The following MAGI2 variants were observed in gnomAD, a reference collection of about 807,000 sequenced individuals.
The protein encoded by MAGI2 is membrane-associated guanylate kinase, WW and PDZ domain-containing protein 2.
A neutral mutation model predicts 133.3 loss-of-function variants in MAGI2; 35 were observed. The ratio of observed to expected loss-of-function variants is 0.26; its 90% CI spans 0.20 to 0.35. The LOEUF is 0.35. MAGI2 is among the 10% of genes least tolerant of loss of function. The pLI is 1.00. For synonymous variants in MAGI2, 729 were observed against 710.6 expected (o/e 1.03, Z -0.41); for missense variants, 1,636 against 1,863.4 (o/e 0.88, Z 2.25).
intron 10 of MAGI2, among the ~76,000 whole-genome samples, chr7:78,235,249 A>T (rs1171202267): frequency 6.6e-6 from 1 of 152,124 alleles, no homozygotes; most frequent in African/African-American, 2.4e-5. Context: ...TGAAATCCCA[A>T]ATTTTGCTAC....
At chr7:79,388,059 C>A (rs543810961) in intron 1 of MAGI2, among the ~76,000 whole-genome samples, 72 of 151,762 alleles carry the variant, frequency 4.7e-4, no homozygotes, top group African/African-American at 1.7e-3. Context: ...ACATAGAAAA[C>A]CTGCAATTTG....
chr7:78,839,305 A>G (rs1791922185), intron 2 of MAGI2, among the ~76,000 whole-genome samples: 1 of 152,150 alleles, frequency 6.6e-6, no homozygotes, highest in Admixed American at 6.6e-5. Context: ...TAGTGAAAAC[A>G]TGCTGGGTGG....
At chr7:78,794,510 T>C (rs1235725659) in intron 2 of MAGI2, among the ~76,000 whole-genome samples, 2 of 151,964 alleles carry the variant, frequency 1.3e-5, no homozygotes, top group African/African-American at 4.8e-5. Context: ...CTGTTTGCCA[T>C]AGGAAGATTT....
At chr7:78,332,584 G>C (rs992211521) in intron 9 of MAGI2, among the ~76,000 whole-genome samples, 2 of 151,864 alleles carry the variant, frequency 1.3e-5, no homozygotes, top group African/African-American at 4.8e-5. Context: ...TGTAGTCCCA[G>C]CTACTCAGGA....
At chr7:78,112,622 T>A (rs1232003233) in intron 20 of MAGI2, among the ~76,000 whole-genome samples, 1 of 152,214 alleles carries the variant, frequency 6.6e-6, no homozygotes, top group Admixed American at 6.5e-5. Context: ...AGCTAGTGAA[T>A]GTGCAGAGTT....
At chr7:79,176,094 C>T (rs1826068204) in intron 1 of MAGI2, among the ~76,000 whole-genome samples, 1 of 151,998 alleles carries the variant, frequency 6.6e-6, no homozygotes, top group Non-Finnish European at 1.5e-5. Flanking sequence ...ACAAAGCTTG[C>T]TAAGTAAATG....
chr7:79,092,450 AC>A (rs56972437), intron 1 of MAGI2, among the ~76,000 whole-genome samples: 6,427 of 152,246 alleles, frequency 0.042, 429 homozygotes, highest in African/African-American at 0.15. Flanking sequence ...GAAAGACCAA[AC>A]AAACCTATAG....
intron 1 of MAGI2, among the ~76,000 whole-genome samples, chr7:79,250,348 C>A (rs1175044450): frequency 9.1e-4 from 118 of 130,384 alleles, no homozygotes; most frequent in South Asian, 1.5e-3. Context: ...ATGACTCTAC[C>A]AAAAAAAAAA....
At chr7:78,733,320 T>C (rs563363775) in intron 2 of MAGI2, among the ~76,000 whole-genome samples, 1 of 152,270 alleles carries the variant, frequency 6.6e-6, no homozygotes, top group East Asian at 1.9e-4. Context: ...TTCCCAATAC[T>C]GTCTTGTCCT....
chr7:78,264,827 A>T (rs1793841856), intron 9 of MAGI2, among the ~76,000 whole-genome samples: 1 of 151,870 alleles, frequency 6.6e-6, no homozygotes, highest in East Asian at 1.9e-4. Context: ...AAGCTGTCCT[A>T]CTGAATTCAT....
At chr7:78,580,527 T>G (rs926813488) in intron 3 of MAGI2, among the ~76,000 whole-genome samples, 1 of 152,192 alleles carries the variant, frequency 6.6e-6, no homozygotes, top group African/African-American at 2.4e-5. Flanking sequence ...CTCATCCCAA[T>G]TGGGGCACAG....
At chr7:79,291,174 T>C (rs568022060) in intron 1 of MAGI2, among the ~76,000 whole-genome samples, 1 of 152,262 alleles carries the variant, frequency 6.6e-6, no homozygotes, top group South Asian at 2.1e-4. Flanking sequence ...CAACAATATG[T>C]GGTCTTTTGT....
intron 9 of MAGI2, among the ~76,000 whole-genome samples, chr7:78,329,597 A>G (rs1788962227): frequency 6.6e-6 from 1 of 152,220 alleles, no homozygotes; most frequent in East Asian, 1.9e-4. Context: ...CTTAGCAGAA[A>G]CATTTACTTT....
chr7:78,437,282 G>A (rs1469625250), intron 6 of MAGI2, among the ~76,000 whole-genome samples: 1 of 152,134 alleles, frequency 6.6e-6, no homozygotes. Context: ...GTGAGCAGGA[G>A]CTCCTTTCAA....
intron 1 of MAGI2, among the ~76,000 whole-genome samples, chr7:79,401,711 C>T (rs191032419): frequency 1.3e-5 from 2 of 152,180 alleles, no homozygotes; most frequent in East Asian, 1.9e-4. Flanking sequence ...TGGTATTCTA[C>T]TGTAAACATG....
chr7:79,387,416 C>G (rs993458265), intron 1 of MAGI2, among the ~76,000 whole-genome samples: 8 of 152,010 alleles, frequency 5.3e-5, no homozygotes, highest in Non-Finnish European at 1.0e-4. Flanking sequence ...CAACTTGTTA[C>G]ACTACTTTCT....
intron 12 of MAGI2, among the ~76,000 whole-genome samples, chr7:78,189,502 G>A (rs143553637): frequency 2.6e-5 from 4 of 152,188 alleles, no homozygotes; most frequent in East Asian, 3.9e-4. Context: ...TACACCATAC[G>A]GATCCTTGAC....
chr7:78,023,733 G>A (rs1002959264), intron 21 of MAGI2, among the ~76,000 whole-genome samples: 3 of 152,182 alleles, frequency 2.0e-5, no homozygotes, highest in Non-Finnish European at 4.4e-5. Flanking sequence ...CCTTTCTGAT[G>A]TGAAATCCAG....
intron 1 of MAGI2, among the ~76,000 whole-genome samples, chr7:79,279,021 G>A (rs1200635374): frequency 6.6e-6 from 1 of 152,058 alleles, no homozygotes; most frequent in East Asian, 1.9e-4. Context: ...CACTAGCAAA[G>A]GTCCCCCAGC....
Sources: gnomAD v4.1 joint callset for allele counts (sites outside exome capture counted in the v4.1 genomes callset) on GRCh38, gnomAD v4.1.1 for gene constraint, MANE v1.5 for transcripts, NCBI Gene and HGNC (gene_info 2026-07-23, HGNC 2026-07-21) for gene names.